The following PPP1R12B variants were observed in gnomAD, a reference collection of about 807,000 sequenced individuals.
The protein encoded by PPP1R12B is myosin phosphatase target subunit 2.
PPP1R12B carries 76 observed loss-of-function variants against 126.1 expected under a neutral mutation model. That is an observed-to-expected ratio of 0.60 (90% CI 0.50 to 0.73). The LOEUF (loss-of-function observed/expected upper bound fraction) is 0.73. PPP1R12B is among the 30% of genes least tolerant of loss of function. The pLI, the probability that PPP1R12B is intolerant of heterozygous loss-of-function variation, is 0.00. For synonymous variants in PPP1R12B, 356 were observed against 434.7 expected, an observed-to-expected ratio of 0.82 and a Z score of 2.25; for missense variants, 1,052 against 1,205.1, an observed-to-expected ratio of 0.87 and a Z score of 1.88.
intron 18 of PPP1R12B, among the ~76,000 whole-genome samples, chr1:202,504,303 G>A (rs1170359439): frequency 6.6e-6 from 1 of 152,112 alleles, no homozygotes; most frequent in Non-Finnish European, 1.5e-5. Flanking sequence ...TGAGGCATGA[G>A]AATCGCTTGA....
At chr1:202,574,937 C>G (rs1688952663) in intron 23 of PPP1R12B, 12 of 1,434,786 alleles carry the variant, frequency 8.4e-6, no homozygotes, top group Non-Finnish European at 8.6e-6. Context: ...ACTTTTCTCT[C>G]CTCTGGTCTG....
chr1:202,506,316 C>T (rs575955425), intron 18 of PPP1R12B, among the ~76,000 whole-genome samples: 1 of 152,164 alleles, frequency 6.6e-6, no homozygotes, highest in African/African-American at 2.4e-5. Flanking sequence ...TGCTGTAGCC[C>T]AAGCTGTATA....
At chr1:202,424,824 A>G (rs529554958) in intron 3 of PPP1R12B, among the ~76,000 whole-genome samples, 1 of 152,330 alleles carries the variant, frequency 6.6e-6, no homozygotes, top group African/African-American at 2.4e-5. Flanking sequence ...TTCTTTCATA[A>G]TGTTTTTAAG....
Position 202,451,356 on chromosome 1 carries a change from G to A in PPP1R12B, c.1850+2185G>A, listed in dbSNP as rs901294557. 3.0e-4 allele frequency among the ~76,000 whole-genome samples: 45 copies of A among 148,110 alleles called. 1 individual carries two copies. The highest frequency in any genetic ancestry group is 6.4e-4 in the Non-Finnish European group (43 of 67,128). Reference sequence around the variant, plus strand: ...TTGTGTCCCTGCGTACTTGAGATTAGGGAGTGGTGATGACTCTTAACGAGC... The same window carrying A: ...TTGTGTCCCTGCGTACTTGAGATTAAGGAGTGGTGATGACTCTTAACGAGC... On this transcript the variant is annotated intron_variant, in intron 13 of 23. Transcript: ENST00000608999.
At chr1:202,366,006 C>A (rs574853313) in intron 1 of PPP1R12B, among the ~76,000 whole-genome samples, 11 of 151,596 alleles carry the variant, frequency 7.3e-5, no homozygotes, top group African/African-American at 1.2e-4. Flanking sequence ...CCCGCCCCCC[C>A]ACAAAAAAAC....
chr1:202,361,164 A>T (rs1438612957), intron 1 of PPP1R12B, among the ~76,000 whole-genome samples: 1 of 152,156 alleles, frequency 6.6e-6, no homozygotes, highest in Non-Finnish European at 1.5e-5. Context: ...AAGTGTTGGG[A>T]TTACAGTTGT....
intron 1 of PPP1R12B, among the ~76,000 whole-genome samples, chr1:202,377,749 T>C (rs1661431933): frequency 6.6e-6 from 1 of 151,398 alleles, no homozygotes; most frequent in South Asian, 2.1e-4. Context: ...TAAAGTAAGA[T>C]GTGAATAGGC....
intron 10 of PPP1R12B, chr1:202,439,798 C>G (rs1282912927): frequency 9.1e-6 from 4 of 439,202 alleles, no homozygotes; most frequent in African/African-American, 2.0e-5. Flanking sequence ...TTCCTCCCCA[C>G]TCCCCTTCTC....
intron 1 of PPP1R12B, among the ~76,000 whole-genome samples, chr1:202,360,990 A>C (rs182512659): frequency 6.7e-6 from 1 of 150,308 alleles, no homozygotes; most frequent in Admixed American, 6.7e-5. Flanking sequence ...TTCTGGGTTC[A>C]TGCCATTCTC....
intron 1 of PPP1R12B, among the ~76,000 whole-genome samples, chr1:202,379,143 G>GTAGA (rs1661784089): frequency 6.6e-6 from 1 of 152,174 alleles, no homozygotes; most frequent in Non-Finnish European, 1.5e-5. Context: ...ACATCTTGAT[G>GTAGA]TAGATGTCTT....
At chr1:202,562,373 A>G (rs1298713438) in intron 19 of PPP1R12B, among the ~76,000 whole-genome samples, 1 of 152,194 alleles carries the variant, frequency 6.6e-6, no homozygotes, top group Non-Finnish European at 1.5e-5. Flanking sequence ...CTAAGTCCAC[A>G]TGTTTCTGAT....
At chr1:202,528,050 C>G (rs1683536664) in intron 18 of PPP1R12B, among the ~76,000 whole-genome samples, 1 of 152,260 alleles carries the variant, frequency 6.6e-6, no homozygotes, top group African/African-American at 2.4e-5. Context: ...TATTTTAATT[C>G]CAGTTGTAAT....
chr1:202,350,228 C>T (rs1423764745), intron 1 of PPP1R12B, among the ~76,000 whole-genome samples: 1 of 152,198 alleles, frequency 6.6e-6, no homozygotes, highest in Non-Finnish European at 1.5e-5. Flanking sequence ...AACTCTTTCA[C>T]CCTATTTTGT....
intron 14 of PPP1R12B, among the ~76,000 whole-genome samples, chr1:202,491,855 C>T (rs1250593994): frequency 6.6e-6 from 1 of 152,148 alleles, no homozygotes; most frequent in African/African-American, 2.4e-5. Flanking sequence ...AAGGGACCAC[C>T]GACTCCCAAA....
chr1:202,532,533 G>A (rs1279150626), intron 18 of PPP1R12B, among the ~76,000 whole-genome samples: 1 of 152,082 alleles, frequency 6.6e-6, no homozygotes, highest in African/African-American at 2.4e-5. Flanking sequence ...TTGCTATTCT[G>A]TTTATTCACT....
chr1:202,450,198 T>C (rs1672768437), intron 13 of PPP1R12B, among the ~76,000 whole-genome samples: 1 of 152,168 alleles, frequency 6.6e-6, no homozygotes, highest in Non-Finnish European at 1.5e-5. Flanking sequence ...ATATAAACTT[T>C]TGATTAATTT....
chr1:202,395,894 A>G (rs1558173628), intron 1 of PPP1R12B, among the ~76,000 whole-genome samples: 1 of 152,228 alleles, frequency 6.6e-6, no homozygotes, highest in South Asian at 2.1e-4. Context: ...ACCAAATAGT[A>G]TACGTTTTTA....
At chr1:202,516,908 ATTAG>A (rs142929625) in intron 18 of PPP1R12B, among the ~76,000 whole-genome samples, 6,194 of 152,230 alleles carry the variant, frequency 0.041, 338 homozygotes, top group African/African-American at 0.12. Context: ...TAGTTATTGG[ATTAG>A]TTAGTGAGGT....
chr1:202,551,036 A>T (rs1204183389), intron 18 of PPP1R12B, among the ~76,000 whole-genome samples: 1 of 152,262 alleles, frequency 6.6e-6, no homozygotes, highest in Admixed American at 6.5e-5. Flanking sequence ...CACAATAGAG[A>T]CAACAAAAGA....
Sources: gnomAD v4.1 joint callset for allele counts (sites outside exome capture counted in the v4.1 genomes callset) on GRCh38, gnomAD v4.1.1 for gene constraint, MANE v1.5 for transcripts, NCBI Gene and HGNC (gene_info 2026-07-23, HGNC 2026-07-21) for gene names.